ARHGAP24: variants seen among roughly 807,000 people sequenced by gnomAD.
ARHGAP24 encodes the protein Rho GTPase activating protein 24.
A neutral mutation model predicts 76.4 loss-of-function variants in ARHGAP24; 50 were observed. The ratio of observed to expected loss-of-function variants is 0.65; its 90% CI spans 0.52 to 0.83. The LOEUF (loss-of-function observed/expected upper bound fraction) is 0.83, where lower values mean the gene tolerates loss of function less well. Among genes scored for constraint, ARHGAP24 ranks in the 40% least tolerant of loss-of-function variants. The pLI is 0.00. For missense variants in ARHGAP24, 930 were observed against 914.2 expected (o/e 1.02, Z -0.22); for synonymous variants, 345 against 323.3 (o/e 1.07, Z -0.72).
At chr4:85,993,401 G>A (rs1740451824) in intron 8 of ARHGAP24, among the ~76,000 whole-genome samples, 1 of 152,168 alleles carries the variant, frequency 6.6e-6, no homozygotes, top group Non-Finnish European at 1.5e-5. Context: ...AGTAGATCTT[G>A]CTTATTGCTG....
At chr4:85,928,409 G>T (rs750461724) in intron 4 of ARHGAP24, among the ~76,000 whole-genome samples, 1 of 151,982 alleles carries the variant, frequency 6.6e-6, no homozygotes, top group African/African-American at 2.4e-5. Context: ...TGTCTAGTCC[G>T]GAATCTGAGA....
intron 3 of ARHGAP24, among the ~76,000 whole-genome samples, chr4:85,918,024 T>C (rs1735519577): frequency 6.6e-6 from 1 of 152,016 alleles, no homozygotes; most frequent in African/African-American, 2.4e-5. Flanking sequence ...AATCTTCCAT[T>C]GAGGACACTC....
chr4:85,974,065 C>T (rs975044440), intron 6 of ARHGAP24, among the ~76,000 whole-genome samples: 1 of 148,030 alleles, frequency 6.8e-6, no homozygotes, highest in African/African-American at 2.5e-5. Flanking sequence ...ACCTTGTTAG[C>T]CAGGATGGTC....
chr4:85,630,565 G>A (rs764967310), intron 2 of ARHGAP24, among the ~76,000 whole-genome samples: 1 of 152,140 alleles, frequency 6.6e-6, no homozygotes, highest in Admixed American at 6.5e-5. Context: ...TCTGTGAAGG[G>A]CTTACAGCTG....
At chr4:85,740,541 A>G (rs529676435) in intron 3 of ARHGAP24, among the ~76,000 whole-genome samples, 1 of 152,172 alleles carries the variant, frequency 6.6e-6, no homozygotes, top group South Asian at 2.1e-4. Context: ...TTTCATATCT[A>G]TTACAGAGTT....
At chr4:85,875,607 T>C (rs553805366) in intron 3 of ARHGAP24, among the ~76,000 whole-genome samples, 46 of 119,092 alleles carry the variant, frequency 3.9e-4, no homozygotes, top group African/African-American at 1.5e-3. Flanking sequence ...TATTTTTATA[T>C]TATATATATG....
At chr4:85,960,087 G>A (rs970555686) in intron 5 of ARHGAP24, among the ~76,000 whole-genome samples, 2 of 152,024 alleles carry the variant, frequency 1.3e-5, no homozygotes, top group South Asian at 2.1e-4. Flanking sequence ...AATCAAGTCC[G>A]CACAAAACTT....
In ARHGAP24 at chr4:85,765,325, C is replaced by T. The variant is rs760339764; in HGVS notation, c.268+43353C>T. Among the ~76,000 whole-genome samples, 4 of 152,114 alleles carry T rather than the reference C, an allele frequency of 2.6e-5. 1 individual carries two copies. The highest frequency in any genetic ancestry group is 1.9e-4 in the East Asian group (1 of 5,168). ...AGCACACCTGCAAGTGGCATTAAAA[C>T]GTTTTTGTTTTAACTGATTCATACA... On this transcript the variant is annotated intron_variant, in intron 3 of 9. Transcript: ENST00000395184.
chr4:85,655,719 C>A (rs1329500059), intron 2 of ARHGAP24, among the ~76,000 whole-genome samples: 2 of 146,430 alleles, frequency 1.4e-5, no homozygotes, highest in African/African-American at 5.1e-5. Context: ...TTGCAGTGAG[C>A]CGAGTTTGCA....
chr4:85,800,253 A>G (rs1728521541), intron 3 of ARHGAP24, among the ~76,000 whole-genome samples: 1 of 152,094 alleles, frequency 6.6e-6, no homozygotes, highest in African/African-American at 2.4e-5. Flanking sequence ...ATTATTTCAA[A>G]ATTTGTAAAG....
chr4:85,896,732 A>G (rs977180750), intron 3 of ARHGAP24, among the ~76,000 whole-genome samples: 25 of 152,068 alleles, frequency 1.6e-4, no homozygotes, highest in Admixed American at 1.6e-3. Context: ...AGCCCCCAAT[A>G]TTGCAATAGT....
At chr4:85,973,839 T>G (rs1321544847) in intron 6 of ARHGAP24, among the ~76,000 whole-genome samples, 10 of 66,014 alleles carry the variant, frequency 1.5e-4, no homozygotes, top group South Asian at 1.1e-3. Flanking sequence ...TATTGTTTTT[T>G]TTTTTTTTTT....
intron 3 of ARHGAP24, among the ~76,000 whole-genome samples, chr4:85,869,619 A>G (rs1389134167): frequency 6.6e-6 from 1 of 151,560 alleles, no homozygotes; most frequent in Non-Finnish European, 1.5e-5. Context: ...AAGGGAGGAC[A>G]ATTTTTTTTC....
At chr4:85,687,114 T>TG (rs1282400809) in intron 2 of ARHGAP24, among the ~76,000 whole-genome samples, 6 of 150,438 alleles carry the variant, frequency 4.0e-5, no homozygotes, top group Non-Finnish European at 8.8e-5. Context: ...ATGATGATGA[T>TG]GATGGATGGA....
intron 2 of ARHGAP24, among the ~76,000 whole-genome samples, chr4:85,584,531 T>A (rs1299392815): frequency 6.6e-6 from 1 of 151,806 alleles, no homozygotes; most frequent in Non-Finnish European, 1.5e-5. Flanking sequence ...GCATGACACA[T>A]GTATACATAT....
In ARHGAP24 at chr4:85,641,011, AAAG is replaced by A. The variant is rs1358250455; in HGVS notation, c.180+70293_180+70295del. Reference sequence around the variant, plus strand: ...ATTAAGTTATTAATTAAAATAATGAAAAGAAATTTACTTAAGTTATTAAAGAAA... The same window carrying A: ...ATTAAGTTATTAATTAAAATAATGAAAAATTTACTTAAGTTATTAAAGAAA... On this transcript the variant is annotated intron_variant, in intron 2 of 9. Transcript: ENST00000395184. Among the ~76,000 whole-genome samples the A allele has an allele frequency of 5.1e-5, 5 of 98,824 alleles. No individual in the cohort carries two copies. In the East Asian group the frequency reaches 7.9e-4, roughly 16 times the overall value. 64.8% of individuals were successfully genotyped at this position (98,824 alleles called of 152,430 possible).
chr4:85,703,348 C>G (rs1299306329), intron 2 of ARHGAP24, among the ~76,000 whole-genome samples: 1 of 152,104 alleles, frequency 6.6e-6, no homozygotes, highest in Non-Finnish European at 1.5e-5. Flanking sequence ...GACAGATGGT[C>G]CTAGACACCC....
chr4:85,785,324 G>A (rs72658213), intron 3 of ARHGAP24, among the ~76,000 whole-genome samples: 9,941 of 152,180 alleles, frequency 0.065, 382 homozygotes, highest in Middle Eastern at 0.092. Flanking sequence ...TTTATTCTCT[G>A]AGTTCAATTT....
chr4:85,680,038 G>T (rs1723143545), intron 2 of ARHGAP24, among the ~76,000 whole-genome samples: 1 of 152,132 alleles, frequency 6.6e-6, no homozygotes, highest in Admixed American at 6.6e-5. Context: ...GAGAAGAGAA[G>T]ATCCTTTTAG....
Sources: allele counts gnomAD v4.1 joint callset (sites outside exome capture counted in the v4.1 genomes callset), GRCh38; gene constraint gnomAD v4.1.1; transcripts MANE v1.5; gene names NCBI Gene and HGNC (gene_info 2026-07-23, HGNC 2026-07-21).